The following OTOF variants were observed in gnomAD, a reference collection of about 807,000 sequenced individuals.
The protein encoded by OTOF is otoferlin, also known as fer-1-like family member 2.
OTOF carries 218 observed loss-of-function variants against 236.8 expected under a neutral mutation model. The observed-to-expected ratio is 0.92, with a 90% CI of 0.82 to 1.03. The LOEUF is 1.03. OTOF is among the 50% of genes least tolerant of loss of function. OTOF has a pLI of 0.00. For missense variants in OTOF, 2,590 were observed against 2,694.4 expected (o/e 0.96, Z 0.86); for synonymous variants, 1,041 against 1,072.5 (o/e 0.97, Z 0.57).
intron 2 of OTOF, among the ~76,000 whole-genome samples, chr2:26,532,240 G>T (rs1666968146): frequency 6.6e-6 from 1 of 152,160 alleles, no homozygotes; most frequent in Non-Finnish European, 1.5e-5. Flanking sequence ...TTACAAGTGG[G>T]AAAGTGGAGA....
At chr2:26,474,468 AGCCTCCAGTCCCCAG>A in intron 26 of OTOF, 30 bp downstream of exon 26, 1 of 1,229,420 alleles carries the variant, frequency 8.1e-7, no homozygotes, top group East Asian at 5.4e-5. Context: ...CCCAACTCCC[AGCCTCCAGTCCCCAG>A]GCCTCAGCCC....
chr2:26,511,328 G>A (rs577200370), intron 5 of OTOF, among the ~76,000 whole-genome samples: 2 of 152,226 alleles, frequency 1.3e-5, no homozygotes, highest in South Asian at 2.1e-4. Flanking sequence ...TAGGTGGGGC[G>A]GTAAGTGAGC....
At position 26,461,587 on chromosome 2, in the gene OTOF, C is replaced by A; in HGVS notation, c.5533+109G>T. 6.8e-7 allele frequency: 1 copy of A among 1,470,166 alleles called. No individual in the cohort carries two copies. Among genetic ancestry groups the A allele is most frequent in the East Asian group, 2.3e-5 (1 of 43,212 alleles). 91.1% of individuals were successfully genotyped at this position (1,470,166 alleles called of 1,614,324 possible). On this transcript the variant is annotated intron_variant, in intron 43 of 46. Coordinates refer to ENST00000272371, the MANE Select transcript of OTOF (RefSeq NM_194248.3). The surrounding 1 kb of genome is among the most constrained non-coding windows in gnomAD (Gnocchi z 6.2). ...ACCCCTGGCTCTGATGGACTGGAAGCAATGACCCCTTGTCCCCCCAAGGCA... is the reference window on the plus strand; with the variant it reads ...ACCCCTGGCTCTGATGGACTGGAAGAAATGACCCCTTGTCCCCCCAAGGCA...
rs781735691 is a variant in OTOF at position 26,473,846 on chromosome 2, G to T, written c.3408+145C>A. 1.5e-5 allele frequency: 17 copies of T among 1,122,108 alleles called. No individual in the cohort carries two copies. Among genetic ancestry groups the T allele is most frequent in the South Asian group, 5.1e-5 (4 of 77,786 alleles). The allele number at this position is 1,122,108 out of a possible 1,614,324, so 69.5% of individuals were successfully genotyped here. A position where few individuals can be genotyped will look rare whatever the true frequency, so the allele number is the denominator to read the frequency against. On this transcript the variant is annotated intron_variant, in intron 27 of 46. Transcript: ENST00000272371. The surrounding 1 kb of genome is among the most constrained non-coding windows in gnomAD (Gnocchi z 7.2). ...CATGGGAGTGCGACTTGGTGCAGAT[G>T]GGGGCAGGCCCTGGGCTGGGGCAGG...
chr2:26,552,256 G>C (rs1233325984), intron 1 of OTOF, among the ~76,000 whole-genome samples: 1 of 152,126 alleles, frequency 6.6e-6, no homozygotes, highest in Non-Finnish European at 1.5e-5. Flanking sequence ...TGAGCATGGT[G>C]GTGCGTGCCT....
At chr2:26,537,035 G>T (rs1287449279) in intron 2 of OTOF, among the ~76,000 whole-genome samples, 1 of 152,184 alleles carries the variant, frequency 6.6e-6, no homozygotes, top group Non-Finnish European at 1.5e-5. Context: ...GCACCCCTGT[G>T]GGATGGTGTC....
At position 26,463,952 on chromosome 2, in the gene OTOF, T is replaced by G. The variant is rs760716402; in HGVS notation, c.5103+12A>C. 6.2e-7 allele frequency: 1 copy of G among 1,613,806 alleles called. No individual in the cohort carries two copies. Among genetic ancestry groups the G allele is most frequent in the Non-Finnish European group, 8.5e-7 (1 of 1,180,018 alleles). Reference sequence around the variant, plus strand: ...TACCCAAGAACCCCAGTCTTGGCCATGCAAGTGTCACCTGCTCGATGCCCG... The same window carrying G: ...TACCCAAGAACCCCAGTCTTGGCCAGGCAAGTGTCACCTGCTCGATGCCCG... On this transcript the variant is annotated intron_variant, in intron 40 of 46. Coordinates refer to ENST00000272371, the MANE Select transcript of OTOF (RefSeq NM_194248.3).
intron 5 of OTOF, among the ~76,000 whole-genome samples, chr2:26,504,681 C>T (rs1049498600): frequency 6.6e-6 from 1 of 152,046 alleles, no homozygotes; most frequent in Admixed American, 6.6e-5. Flanking sequence ...GGGGTCCTCA[C>T]TGTCCTTCAG....
intron 1 of OTOF, 47 bp from the exon 2 acceptor site, chr2:26,537,821 G>A (rs759069310): frequency 1.0e-5 from 14 of 1,383,702 alleles, no homozygotes; most frequent in African/African-American, 2.9e-5. Context: ...CTGTCCAGAC[G>A]ATGAGCATGG....
intron 8 of OTOF, among the ~76,000 whole-genome samples, chr2:26,500,861 G>C (rs1203274216): frequency 2.0e-5 from 3 of 152,172 alleles, no homozygotes; most frequent in African/African-American, 7.2e-5. Flanking sequence ...AGGCATCAGA[G>C]ATAAAGCTCT....
chr2:26,534,475 C>T (rs891109315), intron 2 of OTOF, among the ~76,000 whole-genome samples: 9 of 152,182 alleles, frequency 5.9e-5, no homozygotes. Context: ...TCTGTTTCCA[C>T]CCATTGTTGT....
At chr2:26,549,474 A>G (rs1205012590) in intron 1 of OTOF, among the ~76,000 whole-genome samples, 1 of 152,234 alleles carries the variant, frequency 6.6e-6, no homozygotes, top group Non-Finnish European at 1.5e-5. Flanking sequence ...TCACAGAGCC[A>G]GACTTGGGAT....
rs79556708 is a variant in OTOF at position 26,470,138 on chromosome 2, G to A, written c.4023+455C>T. Among the ~76,000 whole-genome samples the A allele has an allele frequency of 1.4e-3, 220 of 152,276 alleles. 1 individual carries two copies. Among genetic ancestry groups the A allele is most frequent in the Non-Finnish European group, 2.4e-3 (166 of 68,022 alleles). On this transcript the variant is annotated intron_variant, in intron 32 of 46. Transcript: ENST00000272371. The surrounding 1 kb of genome is among the most constrained non-coding windows in gnomAD (Gnocchi z 4.3). The stretch of plus-strand genomic sequence containing the variant: ...AAGCAGTTGTTCCCTTATGGCCTCT[G>A]AGAACATGTTTCTCCTTTTCCACAA...
intron 41 of OTOF, 152 bp downstream of exon 41, chr2:26,463,331 C>T (rs1664570849): frequency 2.8e-6 from 2 of 722,044 alleles, no homozygotes; most frequent in South Asian, 1.5e-5. Context: ...TCAGTTTCTC[C>T]CCTATAAGGC....
At chr2:26,498,089 AG>A (rs1441727059) in intron 8 of OTOF, among the ~76,000 whole-genome samples, 4 of 152,120 alleles carry the variant, frequency 2.6e-5, no homozygotes, top group African/African-American at 9.7e-5. Context: ...CTGCCAAGAG[AG>A]TGGTTGGTTT....
chr2:26,496,760 A>G (rs1038061449), intron 8 of OTOF, among the ~76,000 whole-genome samples: 1 of 151,688 alleles, frequency 6.6e-6, no homozygotes. Flanking sequence ...TTGGGATTGA[A>G]CCCCAGACCT....
At chr2:26,545,043 A>ACC (rs1667298206) in intron 1 of OTOF, among the ~76,000 whole-genome samples, 2 of 136,644 alleles carry the variant, frequency 1.5e-5, no homozygotes, top group Admixed American at 7.2e-5. Context: ...GCCATCCCAA[A>ACC]AAAAAAAAAA....
Position 26,481,126 on chromosome 2 carries a change from A to C in OTOF, c.1580-117T>G, listed in dbSNP as rs114573472. 1.7e-3 allele frequency: 1,233 copies of C among 720,436 alleles called. 14 individuals carry two copies. In the African/African-American group the frequency reaches 0.019, roughly 11 times the overall value. The allele number at this position is 720,436 out of a possible 1,614,324, so 44.6% of individuals were successfully genotyped here. ...TCCTGGGTGCTGAGCTGAGAACTTC[A>C]TGTGTGCCATTCAGGTGTGGGGCAG... On this transcript the variant is annotated intron_variant, in intron 14 of 46. Transcript: ENST00000272371.
In OTOF at chr2:26,489,297, T is replaced by G; in HGVS notation, c.961-2A>C. 1 of 1,610,520 alleles carries G rather than the reference T, an allele frequency of 6.2e-7. No homozygotes were observed. The highest frequency in any genetic ancestry group is 8.5e-7 in the Non-Finnish European group (1 of 1,178,412). On this transcript the variant is annotated splice_acceptor_variant, in intron 10 of 46. Coordinates refer to ENST00000272371, the MANE Select transcript of OTOF (RefSeq NM_194248.3). LOFTEE classifies it high-confidence loss of function. The stretch of plus-strand genomic sequence containing the variant: ...CAGCAGGTTCTTGGAGTGAATCACC[T>G]TTCAGGCAGAACCACAGCCCACCCG...
Sources: allele counts gnomAD v4.1 joint callset (sites outside exome capture counted in the v4.1 genomes callset), GRCh38; gene constraint gnomAD v4.1.1; non-coding constraint Gnocchi (gnomAD v3.1); transcripts MANE v1.5; gene names NCBI Gene and HGNC (gene_info 2026-07-23, HGNC 2026-07-21).